The following DNAH11 variants were observed in gnomAD, a reference collection of about 807,000 sequenced individuals.
DNAH11 encodes axonemal beta dynein heavy chain 11.
Under a neutral mutation model 526.0 loss-of-function variants are expected in DNAH11, and 442 were observed. The ratio of observed to expected loss-of-function variants is 0.84; its 90% CI spans 0.78 to 0.91. The LOEUF (loss-of-function observed/expected upper bound fraction) is 0.91, where lower values mean the gene tolerates loss of function less well. Among genes scored for constraint, DNAH11 ranks in the 40% least tolerant of loss-of-function variants. The pLI is 0.00. For missense variants in DNAH11, 6,989 were observed against 5,448.7 expected, an observed-to-expected ratio of 1.28 and a Z score of -8.90; for synonymous variants, 2,461 against 1,935.9, an observed-to-expected ratio of 1.27 and a Z score of -7.12.
In DNAH11 at chr7:21,687,167, C is replaced by T. The variant is rs376904276; in HGVS notation, c.5690C>T (p.Thr1897Ile). ...GGGGCTCCTGCTGGCCCAGCTGGTA[C>T]CGGGAAAACAGAGACCACCAAAGAC... ...MSGAPAGPAG[T>I]GKTETTKDLG... Residue 1897 changes from threonine (T) to isoleucine (I), a missense_variant, in exon 33 of 82, where the codon ACC becomes ATC. Coordinates refer to ENST00000409508, the MANE Select transcript of DNAH11 (RefSeq NM_001277115.2). 2.5e-5 allele frequency: 40 copies of T among 1,612,914 alleles called. No homozygotes were observed. Among genetic ancestry groups the T allele is most frequent in the Non-Finnish European group, 3.4e-5 (40 of 1,179,482 alleles).
chr7:21,878,640 G>A (rs2128041239), intron 74 of DNAH11, among the ~76,000 whole-genome samples: 1 of 152,228 alleles, frequency 6.6e-6, no homozygotes, highest in East Asian at 1.9e-4. Context: ...GAGTGACCTA[G>A]TGATTTAATT....
chr7:21,639,738 C>T (rs1787033861), intron 28 of DNAH11, among the ~76,000 whole-genome samples: 1 of 152,324 alleles, frequency 6.6e-6, no homozygotes, highest in South Asian at 2.1e-4. Flanking sequence ...TTTAGACCAA[C>T]TCAATCATTC....
intron 32 of DNAH11, 65 bp downstream of exon 32, chr7:21,684,009 T>G: frequency 6.5e-7 from 1 of 1,537,298 alleles, no homozygotes; most frequent in Non-Finnish European, 8.9e-7. Context: ...AGTGTGAGAA[T>G]GAAAAGGAAG....
intron 65 of DNAH11, among the ~76,000 whole-genome samples, chr7:21,828,879 G>T (rs1790425512): frequency 6.6e-6 from 1 of 151,652 alleles, no homozygotes; most frequent in Non-Finnish European, 1.5e-5. Context: ...GGGCGTGTTG[G>T]TTATATTAAC....
At chr7:21,885,591 A>C (rs756563450) in intron 76 of DNAH11, among the ~76,000 whole-genome samples, 1 of 152,166 alleles carries the variant, frequency 6.6e-6, no homozygotes, top group Non-Finnish European at 1.5e-5. Context: ...ATATCTAAAA[A>C]TAGCTAGAAG....
At position 21,742,189 on chromosome 7, in the gene DNAH11, T is replaced by C. The variant is rs1029598; in HGVS notation, c.8154+23T>C. The C allele has an allele frequency of 0.17, 281,371 of 1,610,452 alleles. 26,571 individuals are homozygous for C. The highest frequency in any genetic ancestry group is 0.3 in the Admixed American group (18,168 of 59,852). The stretch of plus-strand genomic sequence containing the variant: ...CAGGTACCTTGACTGCTCTATGTTA[T>C]GCCTCTTGAGTAGAGAAATAATGAT... On this transcript the variant is annotated intron_variant, in intron 49 of 81. Transcript: ENST00000409508.
chr7:21,785,938 G>A (rs1257298966), intron 58 of DNAH11, among the ~76,000 whole-genome samples: 2 of 152,136 alleles, frequency 1.3e-5, no homozygotes, highest in South Asian at 4.1e-4. Context: ...GGTTGTTTTT[G>A]TTTTTCAAAT....
intron 30 of DNAH11, among the ~76,000 whole-genome samples, chr7:21,663,410 C>A (rs1169974557): frequency 1.3e-5 from 2 of 152,006 alleles, no homozygotes; most frequent in African/African-American, 2.4e-5. Flanking sequence ...TACTGTTTTC[C>A]ATAGGGGTTG....
rs370857029 is a variant in DNAH11 at position 21,807,893 on chromosome 7, C to T, written c.10176C>T (p.Arg3392=). Residue 3392 remains arginine (R), a synonymous_variant, in exon 63 of 82, where the codon CGC becomes CGT. Transcript: ENST00000409508. The stretch of plus-strand genomic sequence containing the variant: ...TCATCTTTCAGTCAGAGAAGATTCG[C>T]TGGGGTCAATCCATTAAGTCCTTTG... ...LVKELEAKKI[R]WGQSIKSFEA... 123 of 1,593,872 alleles carry T rather than the reference C, an allele frequency of 7.7e-5. No homozygotes were observed. The highest frequency in any genetic ancestry group is 8.9e-5 in the Non-Finnish European group (104 of 1,164,494).
rs561503704 is a variant in DNAH11 at position 21,681,340 on chromosome 7, T to C, written c.5329-206T>C. On this transcript the variant is annotated intron_variant, in intron 30 of 81. Transcript: ENST00000409508. ...TACTAGGGAGGCTGAGGCAGGAGAA[T>C]TGCTTGAACCCAGGACGCAGAGGTT... Among the ~76,000 whole-genome samples the C allele has an allele frequency of 6.1e-4, 93 of 152,032 alleles. 1 individual carries two copies. Among genetic ancestry groups the C allele is most frequent in the African/African-American group, 2.1e-3 (86 of 41,464 alleles).
At chr7:21,676,498 T>C (rs1782893814) in intron 30 of DNAH11, among the ~76,000 whole-genome samples, 1 of 152,200 alleles carries the variant, frequency 6.6e-6, no homozygotes, top group African/African-American at 2.4e-5. Context: ...GGGTACAGAA[T>C]TTTATTACTT....
At chr7:21,654,844 C>G (rs1362928072) in intron 28 of DNAH11, among the ~76,000 whole-genome samples, 1 of 152,118 alleles carries the variant, frequency 6.6e-6, no homozygotes, top group African/African-American at 2.4e-5. Context: ...GTGAATTTAC[C>G]TACACAACAC....
intron 30 of DNAH11, among the ~76,000 whole-genome samples, chr7:21,675,371 C>T (rs960392579): frequency 2.0e-5 from 3 of 152,202 alleles, no homozygotes; most frequent in African/African-American, 7.2e-5. Flanking sequence ...TAACGACTGC[C>T]TCCCTGCTGG....
At chr7:21,822,393 G>A (rs914635428) in intron 65 of DNAH11, among the ~76,000 whole-genome samples, 5 of 152,052 alleles carry the variant, frequency 3.3e-5, no homozygotes, top group African/African-American at 1.2e-4. Flanking sequence ...CAGGGAGGGA[G>A]GACACCAAGC....
At chr7:21,766,485 A>G (rs1473710290) in intron 55 of DNAH11, among the ~76,000 whole-genome samples, 1 of 152,174 alleles carries the variant, frequency 6.6e-6, no homozygotes, top group African/African-American at 2.4e-5. Flanking sequence ...GTGAGGAATG[A>G]TGTCTGTTTC....
chr7:21,638,691 G>GGT (rs56257528), intron 27 of DNAH11, among the ~76,000 whole-genome samples: 5,273 of 144,148 alleles, frequency 0.037, 212 homozygotes, highest in African/African-American at 0.1. Flanking sequence ...CAGCTAATGG[G>GGT]GTGTGTGTGT....
At chr7:21,629,002 G>T (rs936903621) in intron 25 of DNAH11, among the ~76,000 whole-genome samples, 1 of 151,918 alleles carries the variant, frequency 6.6e-6, no homozygotes, top group African/African-American at 2.4e-5. Flanking sequence ...TTAGGTTGTT[G>T]ATTTGAAGGC....
chr7:21,607,624 C>G (rs1197725826), intron 20 of DNAH11, among the ~76,000 whole-genome samples: 1 of 151,694 alleles, frequency 6.6e-6, no homozygotes, highest in African/African-American at 2.4e-5. Flanking sequence ...ATTACTTTTC[C>G]TCTTTCAATT....
chr7:21,797,126 CAATATT>C (rs1281588428), intron 61 of DNAH11, among the ~76,000 whole-genome samples: 1 of 151,664 alleles, frequency 6.6e-6, no homozygotes, highest in African/African-American at 2.4e-5. Flanking sequence ...AAGGTACAAA[CAATATT>C]AAGAGTCCCT....
Sources: gnomAD v4.1 joint callset for allele counts (sites outside exome capture counted in the v4.1 genomes callset) on GRCh38, gnomAD v4.1.1 for gene constraint, MANE v1.5 for transcripts, NCBI Gene and HGNC (gene_info 2026-07-23, HGNC 2026-07-21) for gene names.